Variants in NUP214 observed in about 807,000 individuals in gnomAD.
NUP214 encodes nucleoporin 214.
A neutral mutation model predicts 196.2 loss-of-function variants in NUP214; 79 were observed. The observed-to-expected ratio is 0.40, with a 90% confidence interval of 0.34 to 0.49. The LOEUF is 0.49. Among genes scored for constraint, NUP214 ranks in the 20% least tolerant of loss-of-function variants. The pLI, the probability that NUP214 is intolerant of heterozygous loss-of-function variation, is 0.58. For synonymous variants in NUP214, 1,020 were observed against 990.5 expected (o/e 1.03, Z -0.56); for missense variants, 2,468 against 2,539.0 (o/e 0.97, Z 0.60).
intron 24 of NUP214, among the ~76,000 whole-genome samples, chr9:131,183,388 T>A (rs1833348174): frequency 6.6e-6 from 1 of 152,248 alleles, no homozygotes; most frequent in South Asian, 2.1e-4. Flanking sequence ...CCCGGCTGAC[T>A]ATCTTTTAAA....
At chr9:131,156,794 T>G (rs533736733) in intron 17 of NUP214, among the ~76,000 whole-genome samples, 1 of 152,288 alleles carries the variant, frequency 6.6e-6, no homozygotes, top group South Asian at 2.1e-4. Flanking sequence ...TTTGACTTTC[T>G]CTTTATCAGT....
At chr9:131,221,673 C>G (rs1041938923) in intron 31 of NUP214, among the ~76,000 whole-genome samples, 3 of 152,166 alleles carry the variant, frequency 2.0e-5, no homozygotes, top group African/African-American at 7.2e-5. Flanking sequence ...CTTCATTACC[C>G]ACCCAGTGAT....
chr9:131,227,880 C>G (rs1834764917), intron 32 of NUP214, among the ~76,000 whole-genome samples: 2 of 151,110 alleles, frequency 1.3e-5, no homozygotes, highest in South Asian at 2.1e-4. Flanking sequence ...TCTGCAGGAG[C>G]TCTCCTGAGT....
chr9:131,164,013 C>T (rs1832716145), intron 20 of NUP214, 48 bp from the exon 21 acceptor site: 1 of 1,612,772 alleles, frequency 6.2e-7, no homozygotes, highest in South Asian at 1.1e-5. Context: ...GTACTGATAT[C>T]TTAAAAACTG....
intron 26 of NUP214, chr9:131,190,102 G>C: frequency 4.2e-6 from 1 of 238,808 alleles, no homozygotes; most frequent in Non-Finnish European, 8.1e-6. Flanking sequence ...GCATAAGCCA[G>C]AGTTGTATTC....
intron 30 of NUP214, among the ~76,000 whole-genome samples, chr9:131,205,107 C>T (rs1344668473): frequency 6.6e-6 from 1 of 152,060 alleles, no homozygotes; most frequent in Non-Finnish European, 1.5e-5. Context: ...GGCGACAGAG[C>T]AAGACTCCAT....
rs752790556 is a variant in NUP214, at chr9:131,146,712, C to T, written c.1945+408C>T. Among the ~76,000 whole-genome samples the T allele has an allele frequency of 5.3e-5, 8 of 152,064 alleles. No homozygotes were observed. Among genetic ancestry groups the T allele is most frequent in the African/African-American group, 1.4e-4 (6 of 41,404 alleles). Reference sequence around the variant, plus strand: ...TGGGAGGCCAAGGCAGGTGGATCACCGGAGGTTAGGAGTTCGAGACCAGCC... The same window carrying T: ...TGGGAGGCCAAGGCAGGTGGATCACTGGAGGTTAGGAGTTCGAGACCAGCC... On this transcript the variant is annotated intron_variant, in intron 13 of 35. Transcript: ENST00000359428. The surrounding 1 kb of genome is among the most constrained non-coding windows in gnomAD (Gnocchi z 4.6).
chr9:131,163,249 G>C (rs1464434888), intron 19 of NUP214, 76 bp downstream of exon 19: 1 of 1,440,006 alleles, frequency 6.9e-7, no homozygotes, highest in East Asian at 2.3e-5. Flanking sequence ...GAGTGGTTCA[G>C]ATATGGGTTT....
Position 131,144,309 on chromosome 9 carries a change from C to T in NUP214, c.1324C>T (p.Gln442Ter). 1 of 1,614,052 alleles carries T rather than the reference C, an allele frequency of 6.2e-7. No homozygotes were observed. Among genetic ancestry groups the T allele is most frequent in the Non-Finnish European group, 8.5e-7 (1 of 1,180,016 alleles). ...GSTPTTPTSS[Q>*]APQKLDASAA... ...TACTCCCACTACCCCAACCTCCTCT[C>T]AAGCCCCACAGAAACTGGATGCTTC... The change falls in exon 12 of 36, where the codon CAA becomes TAA. Residue 442 changes from glutamine to a stop codon, truncating the protein, a stop_gained. Coordinates refer to ENST00000359428, the MANE Select transcript of NUP214 (RefSeq NM_005085.4). LOFTEE classifies it high-confidence loss of function.
In NUP214 at chr9:131,144,475, G is replaced by C. The variant is rs775000990; in HGVS notation, c.1490G>C (p.Gly497Ala). 3 of 1,613,910 alleles carry C rather than the reference G, an allele frequency of 1.9e-6. No homozygotes were observed. Among genetic ancestry groups the C allele is most frequent in the Non-Finnish European group, 2.5e-6 (3 of 1,180,000 alleles). The change falls in exon 12 of 36, where the codon GGG becomes GCG. Residue 497 changes from glycine (G) to alanine (A), a missense_variant. Around this residue, in one of 5 missense-constraint regions of NUP214, gnomAD observed 1,801 missense variants for 1,779.4 expected, o/e 1.01. Transcript: ENST00000359428. Reference sequence around the variant, plus strand: ...TTGAAGTCATCTGCTACGGTCACTGGGGAGCCCCCTTCATATTCCAGTGGC... The same window carrying C: ...TTGAAGTCATCTGCTACGGTCACTGCGGAGCCCCCTTCATATTCCAGTGGC... ...SSLKSSATVTGEPPSYSSGSD... is the reference protein window; with the variant it reads ...SSLKSSATVTAEPPSYSSGSD...
chr9:131,149,485 C>T (rs552273410), intron 14 of NUP214, among the ~76,000 whole-genome samples: 19 of 149,888 alleles, frequency 1.3e-4, no homozygotes, highest in African/African-American at 4.7e-4. Context: ...AGTACCTGTC[C>T]CCAGTCCAGG....
chr9:131,213,443 G>A (rs1240019429), intron 30 of NUP214, among the ~76,000 whole-genome samples: 1 of 152,142 alleles, frequency 6.6e-6, no homozygotes, highest in Non-Finnish European at 1.5e-5. Context: ...CCAAAGTGCT[G>A]GCATTATGGG....
intron 17 of NUP214, among the ~76,000 whole-genome samples, chr9:131,156,941 C>T (rs1340599270): frequency 2.6e-5 from 4 of 152,102 alleles, no homozygotes; most frequent in African/African-American, 9.7e-5. Flanking sequence ...CATTTGTAGA[C>T]ATACTTAATT....
intron 30 of NUP214, among the ~76,000 whole-genome samples, chr9:131,213,631 A>G (rs188918861): frequency 5.9e-5 from 9 of 152,260 alleles, no homozygotes; most frequent in East Asian, 1.9e-4. Flanking sequence ...ATTCATTGTT[A>G]GGTTTTCTAA....
At chr9:131,230,267 T>G in intron 33 of NUP214, 1 of 208,374 alleles carries the variant, frequency 4.8e-6, no homozygotes, top group Non-Finnish European at 9.8e-6. Flanking sequence ...TGTGGGGGAA[T>G]GGTCGGTAAG....
Position 131,205,970 on chromosome 9 carries a change from A to G in NUP214, c.5592+4253A>G, listed in dbSNP as rs575472793. Among the ~76,000 whole-genome samples, 19 of 152,242 alleles carry G rather than the reference A, an allele frequency of 1.2e-4. No homozygotes were observed. In the South Asian group the frequency reaches 3.5e-3, roughly 28 times the overall value. On this transcript the variant is annotated intron_variant, in intron 30 of 35. Transcript: ENST00000359428. The stretch of plus-strand genomic sequence containing the variant: ...AGTGCTGGGATTACAGTCATGAGCC[A>G]CCATGCCCAGCCTAAATTTGTTTTT...
At chr9:131,177,429 C>T (rs1308464393) in intron 23 of NUP214, among the ~76,000 whole-genome samples, 8 of 152,100 alleles carry the variant, frequency 5.3e-5, no homozygotes, top group Admixed American at 4.6e-4. Context: ...GAGGATTGTT[C>T]CACTCAGCAG....
intron 17 of NUP214, among the ~76,000 whole-genome samples, chr9:131,157,338 T>G (rs1264664023): frequency 5.9e-5 from 9 of 151,974 alleles, no homozygotes; most frequent in African/African-American, 2.2e-4. Flanking sequence ...TTTTTAAAAT[T>G]TTTGTAGAGA....
rs762341677 is a variant in NUP214, at chr9:131,150,575, G to A, written c.2128-41G>A. On this transcript the variant is annotated intron_variant, in intron 15 of 35. Coordinates refer to ENST00000359428, the MANE Select transcript of NUP214 (RefSeq NM_005085.4). ...CACGATAGCAGTGACATTACTGTTT[G>A]TCCTTCAGACTGAGTAGTTCCTCAC... 1.9e-6 allele frequency: 3 copies of A among 1,604,044 alleles called. No individual in the cohort carries two copies. In the African/African-American group the frequency reaches 4.0e-5, roughly 22 times the overall value.
Sources: allele counts gnomAD v4.1 joint callset (sites outside exome capture counted in the v4.1 genomes callset), GRCh38; gene constraint gnomAD v4.1.1; regional missense constraint gnomAD v4.1.1; non-coding constraint Gnocchi (gnomAD v3.1); transcripts MANE v1.5; gene names NCBI Gene and HGNC (gene_info 2026-07-23, HGNC 2026-07-21).